Variants in LRRC18 observed in about 807,000 individuals in gnomAD.
LRRC18 encodes the protein leucine-rich repeat-containing protein 18.
A neutral mutation model predicts 11.2 loss-of-function variants in LRRC18; 12 were observed. The ratio of observed to expected loss-of-function variants is 1.07; its 90% confidence interval spans 0.69 to 1.74. The LOEUF (loss-of-function observed/expected upper bound fraction) is 1.74. Ranked by LOEUF, LRRC18 falls within the 40% of genes most tolerant of loss-of-function variation. The probability of loss-of-function intolerance (pLI) is 0.00; values close to 1 mark genes in which losing one functional copy is unlikely to be tolerated. For missense variants in LRRC18, 374 were observed against 330.5 expected, an observed-to-expected ratio of 1.13 and a Z score of -1.02; for synonymous variants, 155 against 130.6, an observed-to-expected ratio of 1.19 and a Z score of -1.27.
chr10:48,913,903 T>C, exon 1 of LRRC18: 1 of 1,614,120 alleles, frequency 6.2e-7, no homozygotes, highest in Non-Finnish European at 8.5e-7. Context: ...AGCTTGTCTA[T>C]GTAGTTGCTG....
the LRRC18 span, among the ~76,000 whole-genome samples, chr10:48,928,885 T>C: frequency 1.3e-5 from 2 of 152,204 alleles, no homozygotes; most frequent in Non-Finnish European, 2.9e-5. Context: ...ATCAACAGTA[T>C]TTGTTGAAAA....
chr10:48,918,477 T>G (rs898087898), upstream of LRRC18, among the ~76,000 whole-genome samples: 1 of 152,158 alleles, frequency 6.6e-6, no homozygotes, highest in African/African-American at 2.4e-5. Flanking sequence ...TTACAGGAAG[T>G]AAGACCATTA....
chr10:48,922,991 G>A, the LRRC18 span, among the ~76,000 whole-genome samples: 1 of 152,184 alleles, frequency 6.6e-6, no homozygotes, highest in Non-Finnish European at 1.5e-5. Flanking sequence ...TACATCTGTT[G>A]AAGCTTAGAG....
chr10:48,931,063 G>T, the LRRC18 span, among the ~76,000 whole-genome samples: 1 of 149,202 alleles, frequency 6.7e-6, no homozygotes, highest in African/African-American at 2.5e-5. Flanking sequence ...GAAAAAAAAG[G>T]TACAAACACA....
At chr10:48,935,036 A>G in the LRRC18 span, 2 of 152,216 alleles carry the variant, frequency 1.3e-5, no homozygotes, top group African/African-American at 4.8e-5. Flanking sequence ...CTTTGTAAAT[A>G]AAGCATACTG....
the LRRC18 span, among the ~76,000 whole-genome samples, chr10:48,929,215 C>T: frequency 6.8e-6 from 1 of 147,334 alleles, no homozygotes; most frequent in Non-Finnish European, 1.5e-5. Context: ...GGATGGACAA[C>T]AAGAGGAAGG....
chr10:48,936,603 C>T, the LRRC18 span, among the ~76,000 whole-genome samples: 4 of 122,936 alleles, frequency 3.3e-5, no homozygotes, highest in African/African-American at 1.0e-4. Flanking sequence ...TTTCGGAGGC[C>T]GAAGAGGGTG....
chr10:48,937,198 T>G, the LRRC18 span, among the ~76,000 whole-genome samples: 1 of 152,170 alleles, frequency 6.6e-6, no homozygotes, highest in African/African-American at 2.4e-5. Context: ...CAGCCAACTT[T>G]CAGATTTTTA....
chr10:48,910,361 T>C, intron 1 of LRRC18, 103 bp from the exon 4 acceptor site: 6 of 987,878 alleles, frequency 6.1e-6, no homozygotes, highest in Non-Finnish European at 8.2e-6. Flanking sequence ...ATGCCTGACC[T>C]TCAGGATGGT....
intron 1 of LRRC18, among the ~76,000 whole-genome samples, chr10:48,911,803 C>T (rs1174250114): frequency 6.6e-6 from 1 of 152,098 alleles, no homozygotes; most frequent in Non-Finnish European, 1.5e-5. Flanking sequence ...ATGAAAAACA[C>T]TTAATAAAGG....
chr10:48,918,993 C>T (rs1838805731), upstream of LRRC18, among the ~76,000 whole-genome samples: 1 of 152,160 alleles, frequency 6.6e-6, no homozygotes, highest in South Asian at 2.1e-4. Context: ...ATGTATAAAG[C>T]ACTCTACCTA....
At chr10:48,928,502 C>A in the LRRC18 span, among the ~76,000 whole-genome samples, 6 of 152,224 alleles carry the variant, frequency 3.9e-5, no homozygotes, top group African/African-American at 1.4e-4. Context: ...CCTATTCAGA[C>A]CCTGCAGCCT....
At chr10:48,917,878 C>A (rs188728666), upstream of LRRC18, among the ~76,000 whole-genome samples, 2 of 151,970 alleles carry the variant, frequency 1.3e-5, no homozygotes, top group Non-Finnish European at 2.9e-5. Flanking sequence ...TGTATGTGAT[C>A]GAAAGAAAAC....
At chr10:48,915,725 T>C (rs1158299538), upstream of LRRC18, among the ~76,000 whole-genome samples, 1 of 152,196 alleles carries the variant, frequency 6.6e-6, no homozygotes, top group Non-Finnish European at 1.5e-5. Flanking sequence ...CAGAGGGTCC[T>C]ACCCTGCGAA....
At chr10:48,913,323 G>A in intron 1 of LRRC18, 69 bp downstream of exon 3, 1 of 1,469,608 alleles carries the variant, frequency 6.8e-7, no homozygotes, top group South Asian at 1.2e-5. Context: ...GTTTCCTGTG[G>A]AGGTAGCCCA....
chr10:48,920,998 AAAG>A, the LRRC18 span, among the ~76,000 whole-genome samples: 2 of 152,218 alleles, frequency 1.3e-5, no homozygotes, highest in Non-Finnish European at 2.9e-5. Flanking sequence ...GTAAGAAAGC[AAAG>A]AAGATCTAAA....
exon 1 of LRRC18, chr10:48,913,430 T>C: frequency 6.2e-7 from 1 of 1,613,026 alleles, no homozygotes; most frequent in Non-Finnish European, 8.5e-7. Flanking sequence ...TGGAATTGGG[T>C]GAGATCAGAT....
At chr10:48,920,644 T>G in the LRRC18 span, among the ~76,000 whole-genome samples, 2 of 152,206 alleles carry the variant, frequency 1.3e-5, no homozygotes, top group African/African-American at 2.4e-5. Flanking sequence ...CTGTTCAGTA[T>G]TACTTTGGAA....
At chr10:48,924,288 C>G in the LRRC18 span, among the ~76,000 whole-genome samples, 4 of 152,176 alleles carry the variant, frequency 2.6e-5, no homozygotes, top group Non-Finnish European at 5.9e-5. Context: ...GGCTCAGGGT[C>G]CATCCTGACC....
Sources: gnomAD v4.1 joint callset for allele counts (sites outside exome capture counted in the v4.1 genomes callset) on GRCh38, gnomAD v4.1.1 for gene constraint, MANE v1.5 for transcripts, NCBI Gene and HGNC (gene_info 2026-07-23, HGNC 2026-07-21) for gene names.